Variants in DAW1 observed in about 807,000 individuals in gnomAD.
DAW1 encodes dynein assembly factor with WD repeat domains 1.
A neutral mutation model predicts 56.5 loss-of-function variants in DAW1; 47 were observed. That is an observed-to-expected ratio of 0.83 (90% CI 0.66 to 1.06). The LOEUF (loss-of-function observed/expected upper bound fraction) is 1.06, where lower values mean the gene tolerates loss of function less well. Among genes scored for constraint, DAW1 ranks in the 50% least tolerant of loss-of-function variants. The pLI is 0.00. For synonymous variants in DAW1, 190 were observed against 179.0 expected, an observed-to-expected ratio of 1.06 and a Z score of -0.49; for missense variants, 505 against 499.3, an observed-to-expected ratio of 1.01 and a Z score of -0.11.
intron 9 of DAW1, 149 bp downstream of exon 9, chr2:227,906,487 T>C (rs984882963): frequency 2.2e-5 from 14 of 632,108 alleles, no homozygotes; most frequent in Non-Finnish European, 3.3e-5. Context: ...TTAAAATTTC[T>C]AGTTTTGGAT....
rs1691345500 is a variant in DAW1, at chr2:227,893,988, G to A, written c.440+71G>A. 6.8e-5 allele frequency: 98 copies of A among 1,443,684 alleles called. 1 individual carries two copies. In the South Asian group the frequency reaches 1.3e-3, roughly 20 times the overall value. 89.4% of individuals were successfully genotyped at this position (1,443,684 alleles called of 1,614,324 possible). A position where few individuals can be genotyped will look rare whatever the true frequency, so the allele number is the denominator to read the frequency against. ...TCCCTCCATCTGCTTGGGGAGAAAG[G>A]GAAGAAGACAAGAGGTCTAAATTTA... On this transcript the variant is annotated intron_variant, in intron 5 of 12. Coordinates refer to ENST00000309931, the MANE Select transcript of DAW1 (RefSeq NM_178821.3).
At chr2:227,912,233 CTTTTTCTT>C (rs1431702390) in intron 10 of DAW1, 1 of 454,354 alleles carries the variant, frequency 2.2e-6, no homozygotes, top group Non-Finnish European at 4.1e-6. Context: ...CCTTCTTTCT[CTTTTTCTT>C]TTTTTCTTTG....
chr2:227,917,112 G>GTATCTATCTATCTATCTATCTATC (rs57043132), intron 10 of DAW1, among the ~76,000 whole-genome samples: 3 of 148,448 alleles, frequency 2.0e-5, no homozygotes, highest in Admixed American at 1.3e-4. Flanking sequence ...ATGCATGACA[G>GTATCTATCTATCTATCTATCTATC]TATCTATCTA....
At chr2:227,921,095 C>A (rs1268943038) in intron 11 of DAW1, among the ~76,000 whole-genome samples, 2 of 152,124 alleles carry the variant, frequency 1.3e-5, no homozygotes, top group Non-Finnish European at 1.5e-5. Context: ...GGGCATCGTG[C>A]ATCTTTGGAA....
At chr2:227,916,619 G>A (rs1691957830) in intron 10 of DAW1, among the ~76,000 whole-genome samples, 2 of 151,996 alleles carry the variant, frequency 1.3e-5, no homozygotes. Context: ...TGATAACCAT[G>A]GATATATGTC....
intron 6 of DAW1, among the ~76,000 whole-genome samples, chr2:227,901,541 T>C (rs1260690076): frequency 6.6e-6 from 1 of 151,802 alleles, no homozygotes; most frequent in African/African-American, 2.4e-5. Context: ...ACTGACAGAA[T>C]CTTGGGAGGA....
intron 10 of DAW1, among the ~76,000 whole-genome samples, chr2:227,907,953 A>T (rs939336430): frequency 6.6e-6 from 1 of 152,210 alleles, no homozygotes; most frequent in Non-Finnish European, 1.5e-5. Flanking sequence ...CTGTTCCGCT[A>T]TGTCTACTGC....
intron 4 of DAW1, among the ~76,000 whole-genome samples, chr2:227,892,422 C>T (rs1691287059): frequency 6.6e-6 from 1 of 152,200 alleles, no homozygotes; most frequent in East Asian, 1.9e-4. Flanking sequence ...GCGTGAGCCA[C>T]CACGCCCAGC....
At chr2:227,913,148 C>G (rs1691870330) in intron 10 of DAW1, among the ~76,000 whole-genome samples, 1 of 152,164 alleles carries the variant, frequency 6.6e-6, no homozygotes, top group East Asian at 1.9e-4. Flanking sequence ...ATTCATCTTT[C>G]AGAACCTCGC....
intron 6 of DAW1, among the ~76,000 whole-genome samples, chr2:227,902,364 G>A (rs1342525172): frequency 5.3e-5 from 8 of 152,166 alleles, no homozygotes; most frequent in Admixed American, 5.2e-4. Flanking sequence ...CGGGGTGTCA[G>A]TTGAATGGGG....
intron 5 of DAW1, among the ~76,000 whole-genome samples, chr2:227,894,738 A>G (rs1288164044): frequency 6.6e-6 from 1 of 152,222 alleles, no homozygotes; most frequent in African/African-American, 2.4e-5. Context: ...AGGAGATTGC[A>G]CAGTGTCTTC....
chr2:227,891,875 G>A (rs968899438), intron 4 of DAW1, among the ~76,000 whole-genome samples: 7 of 152,226 alleles, frequency 4.6e-5, no homozygotes, highest in African/African-American at 9.6e-5. Flanking sequence ...TTGTGTCACA[G>A]TTGGGGAGGT....
chr2:227,903,556 G>A (rs537479441), intron 7 of DAW1, among the ~76,000 whole-genome samples: 91 of 152,256 alleles, frequency 6.0e-4, no homozygotes, highest in African/African-American at 1.9e-3. Flanking sequence ...AGGCCAAAGG[G>A]CTCTGCCCAC....
At chr2:227,890,121 G>T in intron 3 of DAW1, 121 bp downstream of exon 3, 2 of 988,102 alleles carry the variant, frequency 2.0e-6, no homozygotes, top group Non-Finnish European at 2.8e-6. Context: ...TGATTGTAGT[G>T]CCTCACATAT....
chr2:227,894,142 C>T (rs1205702542), intron 5 of DAW1, among the ~76,000 whole-genome samples: 1 of 152,136 alleles, frequency 6.6e-6, no homozygotes, highest in African/African-American at 2.4e-5. Context: ...TGGCTCACGC[C>T]TGTAATCCTA....
At chr2:227,906,131 A>G in intron 8 of DAW1, 105 bp from the exon 9 acceptor site, 5 of 768,826 alleles carry the variant, frequency 6.5e-6, no homozygotes, top group Non-Finnish European at 9.9e-6. Flanking sequence ...TTTTGTAAAA[A>G]CCAGATTTTA....
At chr2:227,918,557 C>G (rs1021983577) in intron 10 of DAW1, among the ~76,000 whole-genome samples, 1 of 152,086 alleles carries the variant, frequency 6.6e-6, no homozygotes, top group Non-Finnish European at 1.5e-5. Flanking sequence ...ATTATTTCTT[C>G]TAATAAGCTC....
chr2:227,919,953 G>A (rs1692064646), intron 11 of DAW1, among the ~76,000 whole-genome samples: 1 of 152,188 alleles, frequency 6.6e-6, no homozygotes, highest in South Asian at 2.1e-4. Flanking sequence ...TTGCCCTCTG[G>A]CTGGTCAGTG....
chr2:227,874,270 G>A (rs573538074), intron 1 of DAW1, among the ~76,000 whole-genome samples: 4 of 152,240 alleles, frequency 2.6e-5, no homozygotes, highest in Non-Finnish European at 5.9e-5. Flanking sequence ...TCAAAGCATG[G>A]GTACATGGTG....
Sources: gnomAD v4.1 joint callset for allele counts (sites outside exome capture counted in the v4.1 genomes callset) on GRCh38, gnomAD v4.1.1 for gene constraint, MANE v1.5 for transcripts, NCBI Gene and HGNC (gene_info 2026-07-23, HGNC 2026-07-21) for gene names.